CLK3: variants seen among roughly 807,000 people sequenced by gnomAD.
CLK3 encodes dual specificity protein kinase CLK3.
A neutral mutation model predicts 65.2 loss-of-function variants in CLK3; 24 were observed. The ratio of observed to expected loss-of-function variants is 0.37; its 90% CI spans 0.27 to 0.52. The LOEUF is 0.52. CLK3 is among the 20% of genes least tolerant of loss of function. The pLI is 0.92. For synonymous variants in CLK3, 252 were observed against 240.8 expected (o/e 1.05, Z -0.43); for missense variants, 506 against 660.0 (o/e 0.77, Z 2.56).
intron 1 of CLK3, among the ~76,000 whole-genome samples, chr15:74,617,412 C>T (rs1290491740): frequency 6.6e-6 from 1 of 152,184 alleles, no homozygotes; most frequent in Non-Finnish European, 1.5e-5. Context: ...CAAAGCTGTG[C>T]TAGGCATTTC....
intron 3 of CLK3, chr15:74,620,556 A>T: frequency 4.8e-6 from 2 of 417,488 alleles, no homozygotes; most frequent in South Asian, 6.1e-5. Flanking sequence ...CTTCTTAGGG[A>T]TCCTAGTAGA....
In CLK3 at chr15:74,627,862, C is replaced by A; in HGVS notation, c.1043-108C>A. 1 of 1,200,198 alleles carries A rather than the reference C, an allele frequency of 8.3e-7. No individual in the cohort carries two copies. Among genetic ancestry groups the A allele is most frequent in the Non-Finnish European group, 1.2e-6 (1 of 814,922 alleles). The allele number at this position is 1,200,198 out of a possible 1,614,324, so 74.3% of individuals were successfully genotyped here. A position where few individuals can be genotyped will look rare whatever the true frequency, so the allele number is the denominator to read the frequency against. On this transcript the variant is annotated intron_variant, in intron 9 of 12. Transcript: ENST00000395066. This position sits in a 1 kb window ranked among gnomAD's most constrained non-coding sequence, Gnocchi z 4.3. ...AGCCTTACTGAGAGAGGGCCTCGTA[C>A]TGGGATTTGGGCAAGAGTCCTGCCA...
Position 74,629,731 on chromosome 15 carries a change from G to C in CLK3, c.1321G>C (p.Glu441Gln). Residue 441 changes from glutamate (E) to glutamine (Q), a missense_variant, in exon 13 of 13, where the codon GAG becomes CAG. Coordinates refer to ENST00000395066, the MANE Select transcript of CLK3 (RefSeq NM_001130028.2). The part of the protein sequence containing the change: ...LKSYMLQDSL[E>Q]HVQLFDLMRR... ...GAGTTACATGCTCCAAGACTCCCTG[G>C]AGCACGTGCAGCTGTTTGACCTGAT... 6.2e-7 allele frequency: 1 copy of C among 1,613,260 alleles called. No homozygotes were observed. The highest frequency in any genetic ancestry group is 8.5e-7 in the Non-Finnish European group (1 of 1,179,666).
At chr15:74,611,980 A>G (rs183324393), upstream of CLK3, among the ~76,000 whole-genome samples, 746 of 152,134 alleles carry the variant, frequency 4.9e-3, 5 homozygotes, top group African/African-American at 0.017. Flanking sequence ...ACCAGCCTCA[A>G]CTCCACTAAA....
chr15:74,614,100 G>A (rs2062025325), upstream of CLK3, among the ~76,000 whole-genome samples: 1 of 152,086 alleles, frequency 6.6e-6, no homozygotes, highest in South Asian at 2.1e-4. Flanking sequence ...TGCAATCTCT[G>A]CCTCCCGGGT....
intron 1 of CLK3, chr15:74,608,726 A>G (rs2061944925): frequency 6.6e-6 from 1 of 152,258 alleles, no homozygotes; most frequent in African/African-American, 2.4e-5. Flanking sequence ...AGAATGTGAC[A>G]ACCAGGAGCG....
intron 2 of CLK3, 39 bp from the exon 3 acceptor site, chr15:74,619,970 G>A: frequency 6.2e-7 from 1 of 1,613,110 alleles, no homozygotes. Context: ...CTAACAGCAA[G>A]GACCCAGCTG....
rs1185561456 is a variant in CLK3 at position 74,624,933 on chromosome 15, C to T, written c.565C>T (p.Arg189Cys). ...GKSQVALKII[R>C]NVGKYREAAR... ...GTCTCAGGTTGCCCTGAAGATCATC[C>T]GCAACGTGGGCAAGTACCGGGAGGC... The change falls in exon 6 of 13, where the codon CGC becomes TGC. Residue 189 changes from arginine to cysteine, a missense_variant. Coordinates refer to ENST00000395066, the MANE Select transcript of CLK3 (RefSeq NM_001130028.2). This position sits in a 1 kb window ranked among gnomAD's most constrained non-coding sequence, Gnocchi z 4.2. 6.2e-6 allele frequency: 10 copies of T among 1,609,530 alleles called. No individual in the cohort carries two copies. The highest frequency in any genetic ancestry group is 7.6e-6 in the Non-Finnish European group (9 of 1,178,072).
At chr15:74,619,953 T>G in intron 2 of CLK3, 56 bp from the exon 3 acceptor site, 1 of 1,610,690 alleles carries the variant, frequency 6.2e-7, no homozygotes, top group Non-Finnish European at 8.5e-7. Context: ...CACAGGTCTC[T>G]TGCTTGCTAA....
chr15:74,619,082 C>G, intron 1 of CLK3, 115 bp from the exon 2 acceptor site: 1 of 1,275,194 alleles, frequency 7.8e-7, no homozygotes, highest in Non-Finnish European at 1.1e-6. Context: ...TGGGAGGGGC[C>G]GCCTTCAAAC....
chr15:74,615,244 C>G (rs2062042432), upstream of CLK3: 5 of 423,450 alleles, frequency 1.2e-5, no homozygotes. Flanking sequence ...AGACTCCGGC[C>G]CCGCCAGAGT....
Position 74,627,364 on chromosome 15 carries a change from A to G in CLK3, c.830A>G (p.Asn277Ser). 2 of 1,613,580 alleles carry G rather than the reference A, an allele frequency of 1.2e-6. No individual in the cohort carries two copies. The highest frequency in any genetic ancestry group is 1.7e-6 in the Non-Finnish European group (2 of 1,179,516). ...LCHALRFLHENQLTHTDLKPE... is the reference protein window; with the variant it reads ...LCHALRFLHESQLTHTDLKPE... ...CCTGCTACCTTAGTTCTGCATGAGAATCAGCTGACCCATACAGACTTGAAA... is the reference window on the plus strand; with the variant it reads ...CCTGCTACCTTAGTTCTGCATGAGAGTCAGCTGACCCATACAGACTTGAAA... The change falls in exon 8 of 13, where the codon AAT becomes AGT. Residue 277 changes from asparagine to serine, a missense_variant. Physicochemically the swap from Asn to Ser is conservative, Grantham distance 46. Around this residue, in one of 2 missense-constraint regions of CLK3, gnomAD observed 325 missense variants for 500.5 expected, o/e 0.65. Transcript: ENST00000395066. The surrounding 1 kb of genome is among the most constrained non-coding windows in gnomAD (Gnocchi z 4.3).
chr15:74,628,201 T>G, intron 10 of CLK3, 149 bp downstream of exon 10: 1 of 659,746 alleles, frequency 1.5e-6, no homozygotes, highest in South Asian at 1.7e-5. Flanking sequence ...CCTTTAAGGA[T>G]GTAGATGCTA....
chr15:74,614,765 C>A (rs1381274353), upstream of CLK3: 2 of 152,138 alleles, frequency 1.3e-5, no homozygotes, highest in Non-Finnish European at 2.9e-5. Flanking sequence ...GCCGCCGGGG[C>A]GGTGCTGGGG....
At chr15:74,616,018 G>A (rs2062056306) in intron 1 of CLK3, 120 bp downstream of exon 1, 19 of 811,660 alleles carry the variant, frequency 2.3e-5, no homozygotes, top group Non-Finnish European at 3.1e-5. Context: ...CTCCTCTTCG[G>A]CCCATATCGG....
chr15:74,621,572 G>A lies in CLK3; in HGVS notation c.370-548G>A, dbSNP rs545036550. ...CAGGCATGTGCAAGTCTGCGTGGGC[G>A]AACAGAGGCAGGCAAGGACAGGCTG... On this transcript the variant is annotated intron_variant, in intron 3 of 12. Transcript: ENST00000395066. This position sits in a 1 kb window ranked among gnomAD's most constrained non-coding sequence, Gnocchi z 4.8. 10 of 199,824 alleles carry A rather than the reference G, an allele frequency of 5.0e-5. No homozygotes were observed. In the East Asian group the frequency reaches 6.3e-4, roughly 13 times the overall value. 12.4% of individuals were successfully genotyped at this position (199,824 alleles called of 1,614,324 possible).
upstream of CLK3, among the ~76,000 whole-genome samples, chr15:74,614,588 C>A (rs1415263068): frequency 6.6e-6 from 1 of 152,250 alleles, no homozygotes; most frequent in East Asian, 1.9e-4. Flanking sequence ...CTAAACACCC[C>A]TACAAATCAC....
Position 74,620,219 on chromosome 15 carries a change from C to T in CLK3, c.363C>T (p.Ala121=). ...HKRRTRSCSS[A]SSRSQQSSKR... is the part of the protein sequence containing the mutation. ...GCCGCACCAGGTCTTGTAGCAGCGC[C>T]TCCTCGGTGAGTGGTAGCCAGAGTG... is the stretch of plus-strand genomic sequence containing the variant. The change falls in exon 3 of 13, where the codon GCC becomes GCT. Residue 121 remains alanine (A), a synonymous_variant. Coordinates refer to ENST00000395066, the MANE Select transcript of CLK3 (RefSeq NM_001130028.2). 1 of 1,614,022 alleles carries T rather than the reference C, an allele frequency of 6.2e-7. No homozygotes were observed. The highest frequency in any genetic ancestry group is 8.5e-7 in the Non-Finnish European group (1 of 1,180,022).
chr15:74,624,977 C>T lies in CLK3; in HGVS notation c.609C>T (p.Asn203=), dbSNP rs759157880. The T allele has an allele frequency of 1.5e-5, 25 of 1,613,538 alleles. No individual in the cohort carries two copies. The East Asian group carries it at 2.2e-4, about 14-fold the overall frequency. Residue 203 remains asparagine, a synonymous_variant, in exon 6 of 13, where the codon AAC becomes AAT. Coordinates refer to ENST00000395066, the MANE Select transcript of CLK3 (RefSeq NM_001130028.2). This position sits in a 1 kb window ranked among gnomAD's most constrained non-coding sequence, Gnocchi z 4.2. ...GGGAGGCTGCCCGGCTAGAAATCAA[C>T]GTGCTCAAAAAAATCAAGGAGAAGG... ...KYREAARLEI[N]VLKKIKEKDK...
Sources: gnomAD v4.1 joint callset for allele counts (sites outside exome capture counted in the v4.1 genomes callset) on GRCh38, gnomAD v4.1.1 for gene constraint, gnomAD v4.1.1 regional missense constraint, Gnocchi (gnomAD v3.1) non-coding constraint, MANE v1.5 for transcripts, NCBI Gene and HGNC (gene_info 2026-07-23, HGNC 2026-07-21) for gene names.